GRAMD1B: variants seen among roughly 807,000 people sequenced by gnomAD.
GRAMD1B encodes GRAM domain containing 1B.
In GRAMD1B, 37 loss-of-function variants were observed where a neutral mutation model predicts 99.7. The observed-to-expected ratio is 0.37, with a 90% CI of 0.29 to 0.49. GRAMD1B has a LOEUF of 0.49. GRAMD1B is among the 20% of genes least tolerant of loss of function. The pLI is 0.98. For missense variants in GRAMD1B, 888 were observed against 1,009.2 expected (o/e 0.88, Z 1.63); for synonymous variants, 427 against 387.6 (o/e 1.10, Z -1.19).
At chr11:123,478,671 T>C (rs879442190) in intron 1 of GRAMD1B, among the ~76,000 whole-genome samples, 1 of 152,200 alleles carries the variant, frequency 6.6e-6, no homozygotes, top group African/African-American at 2.4e-5. Context: ...GGGAGCCCCC[T>C]TTATTAGTTT....
chr11:123,414,569 C>A (rs1251348411), intron 1 of GRAMD1B, among the ~76,000 whole-genome samples: 1 of 152,160 alleles, frequency 6.6e-6, no homozygotes, highest in Non-Finnish European at 1.5e-5. Flanking sequence ...ATGGGGCTTA[C>A]TCTGACTACC....
chr11:123,587,750 G>A lies in GRAMD1B; in HGVS notation c.684+3418G>A, dbSNP rs1447807146. On this transcript the variant is annotated intron_variant, in intron 4 of 19. Transcript: ENST00000635736. This position sits in a 1 kb window ranked among gnomAD's most constrained non-coding sequence, Gnocchi z 4.2. ...AGGGCTGCAGCTTTGTGGAGGAGAG[G>A]GAGGGATAGTGCCAAGCCTGGGGAG... is the stretch of plus-strand genomic sequence containing the variant. Among the ~76,000 whole-genome samples the A allele has an allele frequency of 6.6e-6, 1 of 152,160 alleles. No individual in the cohort carries two copies. The highest frequency in any genetic ancestry group is 6.5e-5 in the Admixed American group (1 of 15,286).
intron 1 of GRAMD1B, among the ~76,000 whole-genome samples, chr11:123,419,744 T>G (rs1273311608): frequency 1.1e-5 from 1 of 87,242 alleles, no homozygotes; most frequent in African/African-American, 5.4e-5. Flanking sequence ...TGTGTGTGTG[T>G]GTGAATGAGA....
At chr11:123,528,895 C>T (rs1292967414) in intron 2 of GRAMD1B, among the ~76,000 whole-genome samples, 3 of 152,142 alleles carry the variant, frequency 2.0e-5, no homozygotes, top group Non-Finnish European at 4.4e-5. Flanking sequence ...GGTGGGGAAG[C>T]CAGGATACAC....
At chr11:123,420,852 A>G (rs1948408681) in intron 1 of GRAMD1B, among the ~76,000 whole-genome samples, 1 of 152,212 alleles carries the variant, frequency 6.6e-6, no homozygotes, top group South Asian at 2.1e-4. Flanking sequence ...ACAATGGGAA[A>G]AAATAACACT....
chr11:123,554,592 C>T (rs1379730347), intron 2 of GRAMD1B, among the ~76,000 whole-genome samples: 3 of 151,404 alleles, frequency 2.0e-5, no homozygotes, highest in Non-Finnish European at 2.9e-5. Context: ...TGCCTGTAGC[C>T]CCAGCTATTC....
chr11:123,599,142 A>T, intron 7 of GRAMD1B: 1 of 802,876 alleles, frequency 1.2e-6, no homozygotes, highest in Non-Finnish European at 2.3e-6. Context: ...TGACATTGCC[A>T]CATAGATCTC....
chr11:123,379,480 A>C (rs1328570872), intron 1 of GRAMD1B, among the ~76,000 whole-genome samples: 1 of 152,184 alleles, frequency 6.6e-6, no homozygotes, highest in Admixed American at 6.5e-5. Flanking sequence ...ATGTTTACAA[A>C]GTTCATCCAT....
At chr11:123,374,372 C>T (rs1224791273) in intron 1 of GRAMD1B, among the ~76,000 whole-genome samples, 3 of 152,100 alleles carry the variant, frequency 2.0e-5, no homozygotes, top group Non-Finnish European at 4.4e-5. Flanking sequence ...CATAATAAAC[C>T]CTGTCTCTGT....
chr11:123,434,478 A>G (rs1949068718), intron 1 of GRAMD1B, among the ~76,000 whole-genome samples: 1 of 152,106 alleles, frequency 6.6e-6, no homozygotes, highest in African/African-American at 2.4e-5. Flanking sequence ...GCTCGTAGAT[A>G]CCACCAAGTG....
At chr11:123,515,326 T>G (rs1190976848) in intron 2 of GRAMD1B, among the ~76,000 whole-genome samples, 1 of 152,170 alleles carries the variant, frequency 6.6e-6, no homozygotes, top group Non-Finnish European at 1.5e-5. Context: ...TGTCTGAGGT[T>G]AGGGAGTGGT....
chr11:123,486,838 T>TG (rs1305337233), intron 2 of GRAMD1B, among the ~76,000 whole-genome samples: 3 of 152,138 alleles, frequency 2.0e-5, no homozygotes, highest in Admixed American at 2.0e-4. Flanking sequence ...GGGAAGCCGA[T>TG]GGGGGTGGAT....
At chr11:123,500,156 A>G (rs929267349) in intron 2 of GRAMD1B, among the ~76,000 whole-genome samples, 10 of 152,118 alleles carry the variant, frequency 6.6e-5, no homozygotes. Context: ...CCCCGTCTCT[A>G]CTAAAAATAC....
At chr11:123,603,399 C>T (rs1183610488) in intron 8 of GRAMD1B, 27 bp from the exon 9 acceptor site, 2 of 1,385,630 alleles carry the variant, frequency 1.4e-6, no homozygotes, top group African/African-American at 1.4e-5. Flanking sequence ...GGGAGCAAGG[C>T]TCAGTCGTTC....
At chr11:123,476,411 CTTT>C (rs1456137592) in intron 1 of GRAMD1B, among the ~76,000 whole-genome samples, 1 of 152,196 alleles carries the variant, frequency 6.6e-6, no homozygotes, top group Admixed American at 6.5e-5. Flanking sequence ...CATTTAACTT[CTTT>C]AAGACTGTTG....
At chr11:123,525,709 C>T in intron 2 of GRAMD1B, 1 of 197,644 alleles carries the variant, frequency 5.1e-6, no homozygotes, top group Non-Finnish European at 1.0e-5. Context: ...GTGCTCTCCT[C>T]CCAGGGTCTC....
At chr11:123,390,044 A>G (rs1947217477) in intron 1 of GRAMD1B, among the ~76,000 whole-genome samples, 1 of 152,024 alleles carries the variant, frequency 6.6e-6, no homozygotes. Flanking sequence ...GGTGTGAGCC[A>G]CTGCACCTGG....
At chr11:123,479,928 G>A (rs1005340914) in intron 1 of GRAMD1B, among the ~76,000 whole-genome samples, 4 of 152,052 alleles carry the variant, frequency 2.6e-5, no homozygotes, top group African/African-American at 7.2e-5. Flanking sequence ...CTTAGCTCAC[G>A]GGGCTGAGCA....
intron 1 of GRAMD1B, among the ~76,000 whole-genome samples, chr11:123,366,887 T>A (rs575015306): frequency 1.1e-3 from 161 of 152,334 alleles, no homozygotes; most frequent in Middle Eastern, 6.8e-3. Context: ...CACTTTATAT[T>A]ATTACAACAA....
Sources: gnomAD v4.1 joint callset for allele counts (sites outside exome capture counted in the v4.1 genomes callset) on GRCh38, gnomAD v4.1.1 for gene constraint, Gnocchi (gnomAD v3.1) non-coding constraint, MANE v1.5 for transcripts, NCBI Gene and HGNC (gene_info 2026-07-23, HGNC 2026-07-21) for gene names.